GPR89B: variants seen among roughly 807,000 people sequenced by gnomAD.
GPR89B encodes golgi pH regulator B.
A neutral mutation model predicts 52.4 loss-of-function variants in GPR89B; 25 were observed. The observed-to-expected ratio is 0.48, with a 90% CI of 0.35 to 0.67. GPR89B has a LOEUF of 0.67. Among genes scored for constraint, GPR89B ranks in the 30% least tolerant of loss-of-function variants. The probability of loss-of-function intolerance (pLI) is 0.01; values close to 1 mark genes in which losing one functional copy is unlikely to be tolerated. For missense variants in GPR89B, 146 were observed against 450.2 expected (o/e 0.32, Z 6.11); for synonymous variants, 52 against 151.2 (o/e 0.34, Z 4.81).
intron 10 of GPR89B, among the ~76,000 whole-genome samples, chr1:147,985,140 C>T (rs2149092078): frequency 6.6e-6 from 1 of 152,116 alleles, no homozygotes; most frequent in East Asian, 1.9e-4. Flanking sequence ...GAAGCTCTGT[C>T]ATTAGGTATA....
At chr1:147,943,663 CTCA>C in intron 4 of GPR89B, 119 bp downstream of exon 4, 1 of 607,608 alleles carries the variant, frequency 1.6e-6, no homozygotes, top group East Asian at 2.9e-5. Flanking sequence ...TTGAGGATAC[CTCA>C]CACACAACAT....
chr1:147,985,781 T>C (rs1202846892), intron 10 of GPR89B, among the ~76,000 whole-genome samples: 3 of 152,246 alleles, frequency 2.0e-5, no homozygotes, highest in Non-Finnish European at 4.4e-5. Context: ...CCATTTGATA[T>C]CGTTTGTTGA....
At chr1:148,008,106 T>A in the GPR89B span, among the ~76,000 whole-genome samples, 3 of 151,960 alleles carry the variant, frequency 2.0e-5, no homozygotes, top group African/African-American at 7.3e-5. Context: ...CTCTTGTATG[T>A]CAACCTAGGC....
chr1:147,959,051 A>G (rs1656343298), intron 7 of GPR89B, among the ~76,000 whole-genome samples: 2 of 152,254 alleles, frequency 1.3e-5, no homozygotes, highest in Admixed American at 1.3e-4. Context: ...TGTTTTTGCA[A>G]ACATTCATAG....
chr1:147,971,114 C>T (rs1329612239), intron 10 of GPR89B, among the ~76,000 whole-genome samples: 3 of 151,440 alleles, frequency 2.0e-5, no homozygotes, highest in Admixed American at 1.3e-4. Context: ...AGCAAAGCTA[C>T]TAAAAGGTAT....
intron 5 of GPR89B, among the ~76,000 whole-genome samples, chr1:147,944,682 A>G (rs1654810490): frequency 1.6e-5 from 2 of 128,526 alleles, no homozygotes; most frequent in Admixed American, 1.6e-4. Context: ...CCCCTCTAAC[A>G]AAAAAAGTTT....
At chr1:147,983,231 C>T (rs1163069610) in intron 10 of GPR89B, among the ~76,000 whole-genome samples, 9 of 150,888 alleles carry the variant, frequency 6.0e-5, no homozygotes, top group Non-Finnish European at 1.3e-4. Context: ...TAGAAGAAAA[C>T]CTAGGCGTTA....
In GPR89B at chr1:147,949,584, C is replaced by G. The variant is rs1236480076; in HGVS notation, c.416-3761C>G. On this transcript the variant is annotated intron_variant, in intron 5 of 13. Coordinates refer to ENST00000314163, the MANE Select transcript of GPR89B (RefSeq NM_016334.5). ...TGGCCGGGCGGGGGGCTGACCCCCCCACCTCCCTCCAGGACCGGGCAGCTG... is the reference window on the plus strand; with the variant it reads ...TGGCCGGGCGGGGGGCTGACCCCCCGACCTCCCTCCAGGACCGGGCAGCTG... Among the ~76,000 whole-genome samples the G allele has an allele frequency of 2.7e-4, 34 of 124,774 alleles. 1 individual carries two copies. The highest frequency in any genetic ancestry group is 2.5e-3 in the Admixed American group (33 of 13,158). The allele number at this position is 124,774 out of a possible 152,430, so 81.9% of individuals were successfully genotyped here.
chr1:147,949,797 G>C (rs1156309944), intron 5 of GPR89B, among the ~76,000 whole-genome samples: 1 of 146,656 alleles, frequency 6.8e-6, no homozygotes, highest in African/African-American at 2.6e-5. Context: ...CGGGCAGGGG[G>C]CTGACCCCCC....
rs587659053 is a variant in GPR89B at position 147,934,771 on chromosome 1, T to C, written c.43-1856T>C. 3.3e-5 allele frequency among the ~76,000 whole-genome samples: 5 copies of C among 152,242 alleles called. No individual in the cohort carries two copies. In the South Asian group the frequency reaches 6.2e-4, roughly 19 times the overall value. Reference sequence around the variant, plus strand: ...TATTATGTTATAATTATTTATGTACTGTCTTCACTATATTGTGAGCTCCTA... The same window carrying C: ...TATTATGTTATAATTATTTATGTACCGTCTTCACTATATTGTGAGCTCCTA... On this transcript the variant is annotated intron_variant, in intron 1 of 13. Transcript: ENST00000314163.
At chr1:147,970,539 CTA>C (rs1657376048) in intron 10 of GPR89B, among the ~76,000 whole-genome samples, 256 of 132,546 alleles carry the variant, frequency 1.9e-3, no homozygotes, top group Admixed American at 3.5e-3. Context: ...CTCTCTATCT[CTA>C]TCTCTCTCTC....
rs1441715185 is a variant in GPR89B, at chr1:147,986,301, G to A, written c.1005+7G>A. On this transcript the variant is annotated splice_region_variant and intron_variant, in intron 11 of 13. Transcript: ENST00000314163. Reference sequence around the variant, plus strand: ...TCTGGGAATCCAATTTGATGTAAGTGTTATATCAAGATCCTGGTTTGTCAT... The same window carrying A: ...TCTGGGAATCCAATTTGATGTAAGTATTATATCAAGATCCTGGTTTGTCAT... 1.3e-5 allele frequency: 21 copies of A among 1,610,578 alleles called. No individual in the cohort carries two copies. The East Asian group carries it at 4.0e-4, about 31-fold the overall frequency.
At chr1:148,003,489 C>T in the GPR89B span, among the ~76,000 whole-genome samples, 1 of 152,262 alleles carries the variant, frequency 6.6e-6, no homozygotes, top group South Asian at 2.1e-4. Context: ...AAAATACTAC[C>T]AATTTGGTAC....
At chr1:148,012,024 G>A in the GPR89B span, 1 of 152,204 alleles carries the variant, frequency 6.6e-6, no homozygotes, top group East Asian at 1.9e-4. Context: ...CAGAAGATCA[G>A]CAACGTTTGG....
chr1:147,928,450 C>T lies in GPR89B; in HGVS notation c.-87C>T. Reference sequence around the variant, plus strand: ...CCCGGCTGCAGCACCTGGGAGAAGGCAGACCGTGTGAGGGGGCCTGTGGCC... The same window carrying T: ...CCCGGCTGCAGCACCTGGGAGAAGGTAGACCGTGTGAGGGGGCCTGTGGCC... On this transcript the variant is annotated 5_prime_UTR_variant, in exon 1 of 14. Transcript: ENST00000314163. 4.6e-6 allele frequency: 7 copies of T among 1,528,312 alleles called. No individual in the cohort carries two copies. Among genetic ancestry groups the T allele is most frequent in the Non-Finnish European group, 6.3e-6 (7 of 1,106,184 alleles). The allele number at this position is 1,528,312 out of a possible 1,614,324, so 94.7% of individuals were successfully genotyped here. A position where few individuals can be genotyped will look rare whatever the true frequency, so the allele number is the denominator to read the frequency against.
At chr1:147,949,685 C>T (rs1655393897) in intron 5 of GPR89B, among the ~76,000 whole-genome samples, 2 of 138,740 alleles carry the variant, frequency 1.4e-5, no homozygotes, top group Admixed American at 1.4e-4. Context: ...ACCCCCCCAC[C>T]TCCTTCGCGG....
intron 7 of GPR89B, among the ~76,000 whole-genome samples, chr1:147,959,924 T>C (rs1463716251): frequency 6.7e-6 from 1 of 149,232 alleles, no homozygotes; most frequent in African/African-American, 2.5e-5. Flanking sequence ...AGAGGGTAGA[T>C]CTCAGGACTG....
chr1:147,984,876 A>G (rs1297961584), intron 10 of GPR89B, among the ~76,000 whole-genome samples: 5 of 152,080 alleles, frequency 3.3e-5, no homozygotes, highest in Non-Finnish European at 7.4e-5. Flanking sequence ...TTTGTATGAT[A>G]TGAATCTTTT....
At chr1:147,992,600 C>T (rs1659148579) in intron 13 of GPR89B, 33 bp downstream of exon 13, 2 of 1,611,454 alleles carry the variant, frequency 1.2e-6, no homozygotes, top group Non-Finnish European at 1.7e-6. Flanking sequence ...ATGTTGACAG[C>T]TGTAAAATAT....
Sources: gnomAD v4.1 joint callset for allele counts (sites outside exome capture counted in the v4.1 genomes callset) on GRCh38, gnomAD v4.1.1 for gene constraint, MANE v1.5 for transcripts, NCBI Gene and HGNC (gene_info 2026-07-23, HGNC 2026-07-21) for gene names.